Variants in ANTXRL observed in about 807,000 individuals in gnomAD.
ANTXRL encodes ANTXR like.
ANTXRL carries 63 observed loss-of-function variants against 75.4 expected under a neutral mutation model. That is an observed-to-expected ratio of 0.84 (90% CI 0.68 to 1.03). ANTXRL has a LOEUF of 1.03. Among genes scored for constraint, ANTXRL ranks in the 50% least tolerant of loss-of-function variants. ANTXRL has a pLI of 0.00. For missense variants in ANTXRL, 797 were observed against 789.4 expected (o/e 1.01, Z -0.12); for synonymous variants, 335 against 291.3 (o/e 1.15, Z -1.53).
intron 9 of ANTXRL, 56 bp downstream of exon 9, chr10:46,298,118 G>A (rs1216765076): frequency 1.0e-5 from 12 of 1,155,288 alleles, no homozygotes; most frequent in Admixed American, 2.1e-5. Context: ...GAGTGCATGC[G>A]TGTATGGAGT....
At chr10:46,293,386 G>C (rs7908351) in intron 2 of ANTXRL, among the ~76,000 whole-genome samples, 57,745 of 140,678 alleles carry the variant, frequency 0.41, 11,053 homozygotes, top group Non-Finnish European at 0.49. Context: ...GTGTGAGTGT[G>C]TGCCTGTGTG....
intron 2 of ANTXRL, among the ~76,000 whole-genome samples, chr10:46,293,286 G>A (rs1249911129): frequency 3.5e-4 from 18 of 51,492 alleles, no homozygotes; most frequent in African/African-American, 9.5e-4. Context: ...GTGAGAGTGT[G>A]TGCGTGTGTG....
At chr10:46,286,350 G>C (rs1449359915), upstream of ANTXRL, 3 of 152,282 alleles carry the variant, frequency 2.0e-5, no homozygotes, top group Admixed American at 6.5e-5. Context: ...GCCATGCTGG[G>C]AGGAAGCCCA....
chr10:46,289,069 C>T (rs190977394), intron 1 of ANTXRL, among the ~76,000 whole-genome samples: 20 of 152,256 alleles, frequency 1.3e-4, no homozygotes, highest in Admixed American at 1.0e-3. Flanking sequence ...CGCAGCTGGG[C>T]GGGACCCTGA....
intron 10 of ANTXRL, among the ~76,000 whole-genome samples, chr10:46,303,841 G>A (rs1837904472): frequency 1.3e-5 from 2 of 152,116 alleles, no homozygotes. Flanking sequence ...AGGGCCTGGG[G>A]TGCAGTTGGA....
chr10:46,288,578 C>T (rs533882140), intron 1 of ANTXRL, among the ~76,000 whole-genome samples: 35 of 152,316 alleles, frequency 2.3e-4, no homozygotes, highest in African/African-American at 8.2e-4. Context: ...GTTCTGGAGA[C>T]AGGCAGAGTC....
In ANTXRL at chr10:46,296,041, G is replaced by C. The variant is rs1334495605; in HGVS notation, c.415G>C (p.Asp139His). 6.5e-7 allele frequency: 1 copy of C among 1,535,698 alleles called. No individual in the cohort carries two copies. The highest frequency in any genetic ancestry group is 8.7e-7 in the Non-Finnish European group (1 of 1,146,750). ...SDKNRIKNGL[D>H]QLQKIVPDGH... ...CAGGAATAGAATAAAAAACGGTCTT[G>C]ACCAACTTCAGAAAATTGTGCCTGA... Residue 139 changes from aspartate to histidine, a missense_variant, in exon 4 of 17, where the codon GAC becomes CAC. Physicochemically the swap from Asp to His is moderately conservative, Grantham distance 81. Transcript: ENST00000620264.
intron 9 of ANTXRL, among the ~76,000 whole-genome samples, chr10:46,299,947 C>A (rs1273822186): frequency 6.6e-6 from 1 of 152,158 alleles, no homozygotes; most frequent in Non-Finnish European, 1.5e-5. Flanking sequence ...GCTCTCCTCC[C>A]CCTCGGGGTC....
intron 9 of ANTXRL, among the ~76,000 whole-genome samples, chr10:46,302,219 A>G (rs1233513412): frequency 6.6e-6 from 1 of 152,160 alleles, no homozygotes; most frequent in African/African-American, 2.4e-5. Context: ...CCACAGGCAC[A>G]CAGAAAGACA....
intron 2 of ANTXRL, among the ~76,000 whole-genome samples, chr10:46,293,543 GC>G (rs1554957448): frequency 7.0e-6 from 1 of 143,464 alleles, no homozygotes; most frequent in African/African-American, 2.6e-5. Flanking sequence ...GCATGTGTGT[GC>G]ATATGTGTGT....
At chr10:46,321,619 C>T (rs938564595) in intron 16 of ANTXRL, among the ~76,000 whole-genome samples, 4 of 152,108 alleles carry the variant, frequency 2.6e-5, no homozygotes, top group Admixed American at 2.6e-4. Flanking sequence ...GATTCTACAC[C>T]ATGAAAGGTT....
intron 15 of ANTXRL, 56 bp downstream of exon 15, chr10:46,311,721 G>A: frequency 1.4e-6 from 1 of 705,916 alleles, no homozygotes; most frequent in Non-Finnish European, 2.5e-6. Context: ...TGTGGGAGGA[G>A]GGGGCAGATG....
intron 12 of ANTXRL, among the ~76,000 whole-genome samples, chr10:46,308,159 G>A (rs186970273): frequency 1.1e-3 from 162 of 152,276 alleles, no homozygotes; most frequent in Middle Eastern, 6.8e-3. Flanking sequence ...TCACTTGTGA[G>A]GACACACCAG....
chr10:46,315,358 GA>G (rs1415285654), intron 16 of ANTXRL, among the ~76,000 whole-genome samples: 7 of 152,242 alleles, frequency 4.6e-5, no homozygotes, highest in African/African-American at 9.6e-5. Flanking sequence ...ACCAGGCTTG[GA>G]TGGGTGGCTC....
In ANTXRL at chr10:46,287,419, C is replaced by A. The variant is rs1836810023; in HGVS notation, c.157C>A (p.His53Asn). 1 of 1,535,754 alleles carries A rather than the reference C, an allele frequency of 6.5e-7. No homozygotes were observed. The highest frequency in any genetic ancestry group is 1.4e-5 in the African/African-American group (1 of 72,954). ...CCTGGGCTCCAGGAGAGCCCACCAC[C>A]ACCATGGCCCAGGATGGAGGCAGCA... The part of the protein sequence containing the change: ...LALGSRRAHH[H>N]HGPGWRQHWR... Residue 53 changes from histidine (H) to asparagine (N), a missense_variant, in exon 1 of 17, where the codon CAC becomes AAC. His to Asn is a moderately conservative substitution (Grantham distance 68). Transcript: ENST00000620264.
At chr10:46,322,059 G>T (rs782585149) in intron 16 of ANTXRL, among the ~76,000 whole-genome samples, 1 of 151,982 alleles carries the variant, frequency 6.6e-6, no homozygotes, top group Non-Finnish European at 1.5e-5. Context: ...CCAGCGAGTC[G>T]CCAGAAGGAA....
chr10:46,293,894 C>A lies in ANTXRL; in HGVS notation c.386C>A (p.Ser129Ter). ...GGCCAGACTGTCTTGCCACTCACCT[C>A]AGACAAGTGAGTGCTGCTTTGAGCC... ...TDGQTVLPLT[S>*]DKNRIKNGLD... is the part of the protein sequence containing the mutation. Residue 129 changes from serine to a stop codon, truncating the protein, a stop_gained, in exon 3 of 17, where the codon TCA (serine) becomes TAA (stop). Coordinates refer to ENST00000620264, the MANE Select transcript of ANTXRL (RefSeq NM_001278688.3). LOFTEE classifies it high-confidence loss of function. The A allele has an allele frequency of 6.5e-7, 1 of 1,535,504 alleles. No individual in the cohort carries two copies. Among genetic ancestry groups the A allele is most frequent in the South Asian group, 1.2e-5 (1 of 84,040 alleles).
Position 46,287,015 on chromosome 10 carries a change from C to A in ANTXRL, c.-248C>A, listed in dbSNP as rs1836791719. On this transcript the variant is annotated 5_prime_UTR_variant, in exon 1 of 17. Coordinates refer to ENST00000620264, the MANE Select transcript of ANTXRL (RefSeq NM_001278688.3). ...TGTCAACCATAACAGAGAATTCTGT[C>A]CCCAGGGTGGGGGAAGGGCCAGGCA... The A allele has an allele frequency of 1.8e-6, 1 of 565,100 alleles. No individual in the cohort carries two copies. Among genetic ancestry groups the A allele is most frequent in the Non-Finnish European group, 3.1e-6 (1 of 319,886 alleles). 35.0% of individuals were successfully genotyped at this position (565,100 alleles called of 1,614,324 possible).
At chr10:46,308,358 C>G (rs1554962462) in intron 12 of ANTXRL, 1 of 416,960 alleles carries the variant, frequency 2.4e-6, no homozygotes, top group African/African-American at 2.0e-5. Context: ...TCAGTGGTTC[C>G]TCTCCTTCAG....
Sources: allele counts gnomAD v4.1 joint callset (sites outside exome capture counted in the v4.1 genomes callset), GRCh38; gene constraint gnomAD v4.1.1; transcripts MANE v1.5; gene names NCBI Gene and HGNC (gene_info 2026-07-23, HGNC 2026-07-21).